Variants in FLT3 observed in about 807,000 individuals in gnomAD.
FLT3 encodes the protein fms related receptor tyrosine kinase 3, also known as receptor-type tyrosine-protein kinase FLT3.
In FLT3, 46 loss-of-function variants were observed where a neutral mutation model predicts 126.6. The ratio of observed to expected loss-of-function variants is 0.36; its 90% CI spans 0.29 to 0.46. FLT3 has a LOEUF of 0.46. Ranked by LOEUF, FLT3 falls within the 20% of genes least tolerant of loss-of-function variation. FLT3 has a pLI of 1.00. For synonymous variants in FLT3, 404 were observed against 434.4 expected (o/e 0.93, Z 0.87); for missense variants, 1,069 against 1,190.3 (o/e 0.90, Z 1.50).
At chr13:28,052,524 G>C (rs1381250499) in intron 5 of FLT3, 21 bp downstream of exon 5, 2 of 1,596,750 alleles carry the variant, frequency 1.3e-6, no homozygotes, top group Non-Finnish European at 1.7e-6. Context: ...GAGAATAGCA[G>C]CTACCATGGA....
intron 1 of FLT3, among the ~76,000 whole-genome samples, chr13:28,085,740 C>A (rs1028941303): frequency 4.0e-5 from 6 of 149,218 alleles, no homozygotes; most frequent in African/African-American, 1.3e-4. Context: ...AACATCATTA[C>A]CTCTGGCTCT....
chr13:28,022,000 G>A (rs1248870928), intron 19 of FLT3, among the ~76,000 whole-genome samples: 2 of 151,910 alleles, frequency 1.3e-5, no homozygotes, highest in African/African-American at 2.4e-5. Flanking sequence ...GCCTCCCAAA[G>A]TGTTGGGATT....
chr13:28,033,567 G>T (rs184617723), intron 15 of FLT3, among the ~76,000 whole-genome samples: 30 of 152,298 alleles, frequency 2.0e-4, no homozygotes, highest in Non-Finnish European at 3.7e-4. Flanking sequence ...AGGAGCCTGA[G>T]CCCAGGGGGT....
intron 1 of FLT3, among the ~76,000 whole-genome samples, chr13:28,099,149 T>TC (rs1220687967): frequency 6.6e-6 from 1 of 152,194 alleles, no homozygotes; most frequent in Admixed American, 6.5e-5. Context: ...CTTTCCTAAA[T>TC]AGAAAAGAAT....
chr13:28,086,228 T>C (rs1303338968), intron 1 of FLT3, among the ~76,000 whole-genome samples: 5 of 152,214 alleles, frequency 3.3e-5, no homozygotes, highest in Non-Finnish European at 5.9e-5. Flanking sequence ...TTTATTTCCT[T>C]TTGTGGATTA....
At position 28,003,966 on chromosome 13, in the gene FLT3, T is replaced by G; in HGVS notation, c.*86A>C. On this transcript the variant is annotated 3_prime_UTR_variant, in exon 24 of 24. Coordinates refer to ENST00000241453, the MANE Select transcript of FLT3 (RefSeq NM_004119.3). Reference sequence around the variant, plus strand: ...CAGCAGTTGATAATAGATTTTCTTTTAGTGATGAAATTAATCTTGTTTTGG... The same window carrying G: ...CAGCAGTTGATAATAGATTTTCTTTGAGTGATGAAATTAATCTTGTTTTGG... 3 of 1,478,224 alleles carry G rather than the reference T, an allele frequency of 2.0e-6. No individual in the cohort carries two copies. The highest frequency in any genetic ancestry group is 2.8e-6 in the Non-Finnish European group (3 of 1,063,850). 91.6% of individuals were successfully genotyped at this position (1,478,224 alleles called of 1,614,324 possible). A position where few individuals can be genotyped will look rare whatever the true frequency, so the allele number is the denominator to read the frequency against.
intron 9 of FLT3, among the ~76,000 whole-genome samples, chr13:28,041,405 C>T (rs1181850638): frequency 6.6e-6 from 1 of 152,210 alleles, no homozygotes; most frequent in African/African-American, 2.4e-5. Flanking sequence ...AGTACAATTA[C>T]TTATCATGAG....
chr13:28,031,432 G>T (rs1415664727), intron 15 of FLT3, among the ~76,000 whole-genome samples: 1 of 152,062 alleles, frequency 6.6e-6, no homozygotes, highest in Non-Finnish European at 1.5e-5. Flanking sequence ...GTGGGCAAAG[G>T]TCGAGAAAGG....
At chr13:28,034,649 G>A (rs959555977) in intron 12 of FLT3, among the ~76,000 whole-genome samples, 1 of 152,140 alleles carries the variant, frequency 6.6e-6, no homozygotes, top group Non-Finnish European at 1.5e-5. Flanking sequence ...ATTTACTAGG[G>A]TAAATTTACA....
In FLT3 at chr13:28,062,077, G is replaced by T; in HGVS notation, c.166-8C>A. On this transcript the variant is annotated splice_region_variant and splice_polypyrimidine_tract_variant and intron_variant, in intron 2 of 23. Coordinates refer to ENST00000241453, the MANE Select transcript of FLT3 (RefSeq NM_004119.3). ...TTCCGGGGATTCTGATACCTACGTT[G>T]CAGATAGAACAAAGTGAATTCATGA... 6.2e-7 allele frequency: 1 copy of T among 1,609,030 alleles called. No individual in the cohort carries two copies. Among genetic ancestry groups the T allele is most frequent in the Non-Finnish European group, 8.5e-7 (1 of 1,177,436 alleles).
intron 9 of FLT3, among the ~76,000 whole-genome samples, chr13:28,045,934 C>CCAAA (rs1186234076): frequency 8.1e-6 from 1 of 122,798 alleles, no homozygotes; most frequent in Admixed American, 8.7e-5. Context: ...CAATGGTTCT[C>CCAAA]AAAAAAAAAA....
intron 23 of FLT3, chr13:28,009,543 TTTTA>T: frequency 6.6e-6 from 1 of 152,230 alleles, no homozygotes; most frequent in Non-Finnish European, 1.5e-5. Flanking sequence ...ATGGCCTCAC[TTTTA>T]TTTTAGTTTA....
At chr13:28,061,353 G>T (rs1027870518) in intron 3 of FLT3, among the ~76,000 whole-genome samples, 1 of 11,004 alleles carries the variant, frequency 9.1e-5, no homozygotes, top group Non-Finnish European at 4.5e-4. Context: ...GAGATAGTTC[G>T]CATTAGGGTT....
intron 2 of FLT3, among the ~76,000 whole-genome samples, chr13:28,065,831 G>GTAATAATAATAATAATAATAATAATAA (rs59880929): frequency 3.2e-5 from 4 of 126,846 alleles, no homozygotes; most frequent in African/African-American, 1.2e-4. Flanking sequence ...TTGTCTCAAA[G>GTAATAATAATAATAATAATAATAATAA]TAATAATAAT....
Position 28,052,550 on chromosome 13 carries a change from C to T in FLT3, c.609G>A (p.Gly203=), listed in dbSNP as rs1875609203. ...CTACCATGGATGTGTCATACCTTTC[C>T]CCCTGTGAATCGCAAAGCACCCATT... is the stretch of plus-strand genomic sequence containing the variant. ...IVEWVLCDSQ[G]ESCKEESPAV... The change falls in exon 5 of 24, where the codon GGG becomes GGA. Residue 203 remains glycine, a synonymous_variant. Coordinates refer to ENST00000241453, the MANE Select transcript of FLT3 (RefSeq NM_004119.3). 1 of 1,612,286 alleles carries T rather than the reference C, an allele frequency of 6.2e-7. No homozygotes were observed. The highest frequency in any genetic ancestry group is 1.7e-5 in the Admixed American group (1 of 59,692).
intron 1 of FLT3, among the ~76,000 whole-genome samples, chr13:28,080,702 C>T (rs985262234): frequency 3.3e-5 from 5 of 152,076 alleles, no homozygotes; most frequent in African/African-American, 1.2e-4. Context: ...ATGCTTTTGG[C>T]TTTGTATCTA....
intron 1 of FLT3, among the ~76,000 whole-genome samples, chr13:28,099,770 G>A (rs2137842559): frequency 6.6e-6 from 1 of 152,308 alleles, no homozygotes; most frequent in East Asian, 1.9e-4. Context: ...ATTCTTTGGG[G>A]ACAGTCCTCG....
intron 1 of FLT3, among the ~76,000 whole-genome samples, chr13:28,075,174 A>T (rs1877842955): frequency 6.6e-6 from 1 of 152,230 alleles, no homozygotes; most frequent in Non-Finnish European, 1.5e-5. Context: ...TTGTGGAATG[A>T]TTAAATCAAG....
rs56027115 is a variant in FLT3, at chr13:28,004,076, C to T, written c.2958G>A (p.Pro986=). The T allele has an allele frequency of 6.9e-3, 11,204 of 1,613,984 alleles. 545 individuals are homozygous for T. The African/African-American group carries it at 0.12, about 18-fold the overall frequency. The part of the protein sequence containing the change: ...SREMDLGLLS[P]QAQVEDS ...TCTACGAATCTTCGACCTGAGCCTGCGGAGAGAGTAGCCCCAAATCCATCT... is the reference window on the plus strand; with the variant it reads ...TCTACGAATCTTCGACCTGAGCCTGTGGAGAGAGTAGCCCCAAATCCATCT... Residue 986 remains proline, a synonymous_variant, in exon 24 of 24, where the codon CCG becomes CCA. Coordinates refer to ENST00000241453, the MANE Select transcript of FLT3 (RefSeq NM_004119.3).
Sources: gnomAD v4.1 joint callset for allele counts (sites outside exome capture counted in the v4.1 genomes callset) on GRCh38, gnomAD v4.1.1 for gene constraint, MANE v1.5 for transcripts, NCBI Gene and HGNC (gene_info 2026-07-23, HGNC 2026-07-21) for gene names.